Variants in KIZ observed in about 807,000 individuals in gnomAD.
KIZ encodes centrosomal protein kizuna.
KIZ carries 68 observed loss-of-function variants against 79.6 expected under a neutral mutation model. That is an observed-to-expected ratio of 0.85 (90% confidence interval 0.70 to 1.05). The LOEUF is 1.05. Among genes scored for constraint, KIZ ranks in the 50% least tolerant of loss-of-function variants. The pLI is 0.00. For synonymous variants in KIZ, 280 were observed against 281.8 expected (o/e 0.99, Z 0.06); for missense variants, 797 against 800.4 (o/e 1.00, Z 0.05).
intron 12 of KIZ, 65 bp downstream of exon 12, chr20:21,244,353 CA>C: frequency 8.5e-7 from 1 of 1,181,786 alleles, no homozygotes; most frequent in South Asian, 1.2e-5. Flanking sequence ...CTGTGACATG[CA>C]TTTGTTGTTT....
chr20:21,138,053 T>A (rs2032299118), intron 3 of KIZ, among the ~76,000 whole-genome samples: 1 of 144,910 alleles, frequency 6.9e-6, no homozygotes, highest in Non-Finnish European at 1.5e-5. Flanking sequence ...ATTATGGGTT[T>A]GAGCCACTGC....
At chr20:21,127,432 GC>G (rs1467382018) in intron 1 of KIZ, among the ~76,000 whole-genome samples, 5 of 152,070 alleles carry the variant, frequency 3.3e-5, no homozygotes, top group Non-Finnish European at 7.4e-5. Context: ...TGTTTCCTGT[GC>G]TAGGAACACC....
intron 6 of KIZ, among the ~76,000 whole-genome samples, chr20:21,203,688 G>T (rs150774899): frequency 0.012 from 1,868 of 152,190 alleles, 23 homozygotes; most frequent in Non-Finnish European, 0.016. Flanking sequence ...ACAAAAGCAG[G>T]ATAAATGCTT....
intron 10 of KIZ, among the ~76,000 whole-genome samples, chr20:21,229,721 C>T (rs1329404880): frequency 2.6e-5 from 4 of 151,904 alleles, no homozygotes; most frequent in African/African-American, 7.3e-5. Flanking sequence ...ACTACAGGTG[C>T]GCACCACCAC....
At chr20:21,188,003 C>G (rs947141162) in intron 6 of KIZ, among the ~76,000 whole-genome samples, 1 of 152,222 alleles carries the variant, frequency 6.6e-6, no homozygotes, top group Non-Finnish European at 1.5e-5. Context: ...CTGATCTTCT[C>G]CCACTCTCCT....
chr20:21,188,144 C>A (rs1030665500), intron 6 of KIZ, among the ~76,000 whole-genome samples: 3 of 152,220 alleles, frequency 2.0e-5, no homozygotes, highest in Admixed American at 2.0e-4. Flanking sequence ...ACTCGAATTT[C>A]CCTCCTGTAT....
intron 4 of KIZ, chr20:21,151,907 GAAGCAGC>G (rs2033138909): frequency 6.6e-6 from 1 of 152,196 alleles, no homozygotes; most frequent in Non-Finnish European, 1.5e-5. Flanking sequence ...CAAAAACACA[GAAGCAGC>G]CTGAATGAGC....
At chr20:21,215,113 C>T (rs1338111488) in intron 8 of KIZ, among the ~76,000 whole-genome samples, 1 of 152,188 alleles carries the variant, frequency 6.6e-6, no homozygotes, top group East Asian at 1.9e-4. Context: ...TTATCAGTGT[C>T]TAAACAGTTG....
At chr20:21,192,301 T>TTTTTG (rs1600498042) in intron 6 of KIZ, among the ~76,000 whole-genome samples, 2 of 146,366 alleles carry the variant, frequency 1.4e-5, no homozygotes, top group South Asian at 2.1e-4. Context: ...TTTTTTTTTT[T>TTTTTG]GCGGGGGAGG....
At chr20:21,198,183 C>G (rs1342334447) in intron 6 of KIZ, 5 of 152,474 alleles carry the variant, frequency 3.3e-5, no homozygotes, top group Non-Finnish European at 5.9e-5. Flanking sequence ...CTGCCTCAGC[C>G]TCTCGAGTAG....
chr20:21,132,107 A>C lies in KIZ; in HGVS notation c.100A>C (p.Arg34=), dbSNP rs1316189157. The change falls in exon 2 of 13, where the codon AGA becomes CGA. Residue 34 remains arginine, a synonymous_variant. Transcript: ENST00000619189. ...QHGLRDSEKK[R]LDLEKKLYEY... ...TGTTTTTTATTATAGTGAAAAGAAG[A>C]GATTGGACCTGGAAAAGAAACTTTA... The C allele has an allele frequency of 4.4e-6, 6 of 1,363,852 alleles. No homozygotes were observed. The highest frequency in any genetic ancestry group is 2.0e-5 in the Admixed American group (1 of 48,942). The allele number at this position is 1,363,852 out of a possible 1,614,324, so 84.5% of individuals were successfully genotyped here.
intron 7 of KIZ, among the ~76,000 whole-genome samples, chr20:21,210,583 T>C (rs1393429527): frequency 6.6e-6 from 1 of 152,210 alleles, no homozygotes; most frequent in Non-Finnish European, 1.5e-5. Context: ...TTTACAAATA[T>C]CTGTAATATT....
intron 9 of KIZ, among the ~76,000 whole-genome samples, chr20:21,228,738 T>G (rs1194928779): frequency 6.6e-6 from 1 of 152,176 alleles, no homozygotes; most frequent in Non-Finnish European, 1.5e-5. Context: ...TGAAACTGTT[T>G]TGCTGTGATG....
chr20:21,242,771 G>T lies in KIZ; in HGVS notation c.1881-1474G>T, dbSNP rs542424929. Among the ~76,000 whole-genome samples, 5 of 152,214 alleles carry T rather than the reference G, an allele frequency of 3.3e-5. No individual in the cohort carries two copies. The South Asian group carries it at 1.0e-3, about 32-fold the overall frequency. ...CCGCCACACCTTGTTCCCCAGTCCT[G>T]TCCTGTGAAGGCCTCTGCCTTTGGA... On this transcript the variant is annotated intron_variant, in intron 11 of 12. Coordinates refer to ENST00000619189, the MANE Select transcript of KIZ (RefSeq NM_018474.6).
At chr20:21,234,313 A>G in intron 11 of KIZ, among the ~76,000 whole-genome samples, 1 of 151,950 alleles carries the variant, frequency 6.6e-6, no homozygotes, top group Non-Finnish European at 1.5e-5. Context: ...TAATTTCCTA[A>G]TAAATTACAA....
At chr20:21,233,894 T>G (rs1168994686) in intron 11 of KIZ, among the ~76,000 whole-genome samples, 1 of 152,212 alleles carries the variant, frequency 6.6e-6, no homozygotes, top group Non-Finnish European at 1.5e-5. Flanking sequence ...TTATTATTTT[T>G]AATGCCTGAG....
At chr20:21,178,749 A>G (rs1353545028) in intron 6 of KIZ, among the ~76,000 whole-genome samples, 1 of 152,072 alleles carries the variant, frequency 6.6e-6, no homozygotes, top group South Asian at 2.1e-4. Context: ...ATTTCATCCT[A>G]TGTCTAGTTT....
chr20:21,144,676 G>A (rs1372751566), intron 3 of KIZ, among the ~76,000 whole-genome samples: 2 of 152,052 alleles, frequency 1.3e-5, no homozygotes, highest in African/African-American at 2.4e-5. Flanking sequence ...AATCAGTTTG[G>A]TTATTATTGC....
In KIZ at chr20:21,132,125, AAACT is replaced by A. The variant is rs587777377; in HGVS notation, c.119_122del (p.Lys40IlefsTer14). 1.0e-4 allele frequency: 152 copies of A among 1,464,136 alleles called. No individual in the cohort carries two copies. The highest frequency in any genetic ancestry group is 1.3e-4 in the Non-Finnish European group (144 of 1,072,504). The allele number at this position is 1,464,136 out of a possible 1,614,324, so 90.7% of individuals were successfully genotyped here. On this transcript the variant is annotated frameshift_variant, in exon 2 of 13. Transcript: ENST00000619189. LOFTEE classifies it high-confidence loss of function. ...AAAGAAGAGATTGGACCTGGAAAAGAAACTTTATGAATATAATCAGTCTGATACA... is the reference window on the plus strand; with the variant it reads ...AAAGAAGAGATTGGACCTGGAAAAGATTATGAATATAATCAGTCTGATACA...
Sources: gnomAD v4.1 joint callset for allele counts (sites outside exome capture counted in the v4.1 genomes callset) on GRCh38, gnomAD v4.1.1 for gene constraint, MANE v1.5 for transcripts, NCBI Gene and HGNC (gene_info 2026-07-23, HGNC 2026-07-21) for gene names.